The following STAU2 variants were observed in gnomAD, a reference collection of about 807,000 sequenced individuals.
STAU2 encodes the protein double-stranded RNA-binding protein Staufen homolog 2.
In STAU2, 20 loss-of-function variants were observed where a neutral mutation model predicts 65.9. That is an observed-to-expected ratio of 0.30 (90% CI 0.21 to 0.44). The LOEUF (loss-of-function observed/expected upper bound fraction) is 0.44, where lower values mean the gene tolerates loss of function less well. Ranked by LOEUF, STAU2 falls within the 20% of genes least tolerant of loss-of-function variation. STAU2 has a pLI of 1.00. For missense variants in STAU2, 558 were observed against 683.9 expected, an observed-to-expected ratio of 0.82 and a Z score of 2.05; for synonymous variants, 232 against 233.9, an observed-to-expected ratio of 0.99 and a Z score of 0.07.
At chr8:73,617,928 T>A (rs571351022) in intron 6 of STAU2, among the ~76,000 whole-genome samples, 3 of 152,288 alleles carry the variant, frequency 2.0e-5, no homozygotes, top group South Asian at 4.1e-4. Context: ...AGCATAAGAA[T>A]AAGGAGTTTA....
At chr8:73,568,031 A>G (rs1808751256) in intron 12 of STAU2, among the ~76,000 whole-genome samples, 1 of 152,232 alleles carries the variant, frequency 6.6e-6, no homozygotes, top group Non-Finnish European at 1.5e-5. Context: ...AACATTATAC[A>G]AAGAAGTTTT....
chr8:73,707,544 G>A (rs1036321984), intron 4 of STAU2, among the ~76,000 whole-genome samples: 5 of 152,134 alleles, frequency 3.3e-5, no homozygotes, highest in Non-Finnish European at 7.3e-5. Context: ...GAGAGTGAAA[G>A]TGAGCCATAA....
At chr8:73,425,619 A>ATC (rs57368986) in intron 13 of STAU2, among the ~76,000 whole-genome samples, 22 of 150,048 alleles carry the variant, frequency 1.5e-4, no homozygotes, top group African/African-American at 4.4e-4. Context: ...GGATAGCAAA[A>ATC]TCTCTCTCTC....
At chr8:73,676,954 G>A (rs1293141005) in intron 5 of STAU2, among the ~76,000 whole-genome samples, 1 of 152,098 alleles carries the variant, frequency 6.6e-6, no homozygotes, top group Non-Finnish European at 1.5e-5. Flanking sequence ...AAAGATATTT[G>A]CAATATACAT....
Position 73,436,568 on chromosome 8 carries a change from TTTTA to T in STAU2, c.1531-13870_1531-13867del, listed in dbSNP as rs3032117. On this transcript the variant is annotated intron_variant, in intron 13 of 14. Transcript: ENST00000524300. ...ATGAATTATCAGTATTTTGCCAATT[TTTTA>T]TTTATTTATTTATTTATTTATTTAT... 1.4e-3 allele frequency among the ~76,000 whole-genome samples: 205 copies of T among 141,466 alleles called. 3 individuals carry two copies. The highest frequency in any genetic ancestry group is 1.9e-3 in the African/African-American group (72 of 37,290). The allele number at this position is 141,466 out of a possible 152,430, so 92.8% of individuals were successfully genotyped here. A position where few individuals can be genotyped will look rare whatever the true frequency, so the allele number is the denominator to read the frequency against.
At chr8:73,608,711 G>A (rs561930944) in intron 9 of STAU2, among the ~76,000 whole-genome samples, 9 of 152,132 alleles carry the variant, frequency 5.9e-5, no homozygotes, top group East Asian at 1.9e-4. Context: ...GAAGTTAAAC[G>A]TCGGGCGCAG....
At chr8:73,470,431 G>T (rs1473064354) in intron 13 of STAU2, among the ~76,000 whole-genome samples, 1 of 152,170 alleles carries the variant, frequency 6.6e-6, no homozygotes, top group Non-Finnish European at 1.5e-5. Context: ...TATCTGCACA[G>T]AAGAAAGGGA....
rs529055678 is a variant in STAU2, at chr8:73,729,143, T to C, written c.-18+9141A>G. 1.1e-4 allele frequency among the ~76,000 whole-genome samples: 16 copies of C among 152,360 alleles called. No individual in the cohort carries two copies. In the South Asian group the frequency reaches 3.1e-3, roughly 30 times the overall value. On this transcript the variant is annotated intron_variant, in intron 3 of 14. Transcript: ENST00000524300. Reference sequence around the variant, plus strand: ...TGAGCCTTTCTATCAAGAACAGCTGTTGAATTTTGTCAACTGCCTACTGTA... The same window carrying C: ...TGAGCCTTTCTATCAAGAACAGCTGCTGAATTTTGTCAACTGCCTACTGTA...
At chr8:73,457,596 C>T (rs1335747642) in intron 13 of STAU2, among the ~76,000 whole-genome samples, 1 of 152,224 alleles carries the variant, frequency 6.6e-6, no homozygotes, top group Non-Finnish European at 1.5e-5. Context: ...AGAACATCTC[C>T]CACGTCCCTA....
intron 13 of STAU2, among the ~76,000 whole-genome samples, chr8:73,546,299 T>G (rs1405670124): frequency 6.6e-6 from 1 of 152,112 alleles, no homozygotes; most frequent in East Asian, 1.9e-4. Context: ...GCTTACTCAG[T>G]TGTATATATA....
At chr8:73,680,843 A>C (rs1818375443) in intron 5 of STAU2, among the ~76,000 whole-genome samples, 1 of 151,988 alleles carries the variant, frequency 6.6e-6, no homozygotes, top group Non-Finnish European at 1.5e-5. Context: ...CAACAATAGA[A>C]TCAAACAAGC....
At chr8:73,444,526 A>C (rs1818362336) in intron 13 of STAU2, among the ~76,000 whole-genome samples, 1 of 152,182 alleles carries the variant, frequency 6.6e-6, no homozygotes, top group East Asian at 1.9e-4. Context: ...TGAGCTGAGA[A>C]TTCTGAGGAA....
At chr8:73,683,249 C>A (rs543213909) in intron 5 of STAU2, among the ~76,000 whole-genome samples, 3 of 152,144 alleles carry the variant, frequency 2.0e-5, no homozygotes, top group Non-Finnish European at 4.4e-5. Context: ...AACAGCGTAT[C>A]GAAAAGGTAA....
At chr8:73,694,879 C>T (rs1188056882) in intron 4 of STAU2, among the ~76,000 whole-genome samples, 1 of 152,230 alleles carries the variant, frequency 6.6e-6, no homozygotes, top group African/African-American at 2.4e-5. Context: ...GTGCTGGACT[C>T]AGCCAGCACC....
At chr8:73,733,943 A>G (rs1806247575) in intron 3 of STAU2, among the ~76,000 whole-genome samples, 1 of 152,168 alleles carries the variant, frequency 6.6e-6, no homozygotes, top group Non-Finnish European at 1.5e-5. Flanking sequence ...TTGGACAAAG[A>G]GATATACATT....
At chr8:73,647,270 C>CCATA (rs77559287) in intron 6 of STAU2, among the ~76,000 whole-genome samples, 6,527 of 152,228 alleles carry the variant, frequency 0.043, 349 homozygotes, top group Admixed American at 0.16. Flanking sequence ...CATACAAAAC[C>CCATA]CATACATAGA....
intron 13 of STAU2, among the ~76,000 whole-genome samples, chr8:73,496,621 T>G (rs1821435265): frequency 6.6e-6 from 1 of 151,808 alleles, no homozygotes; most frequent in Admixed American, 6.6e-5. Context: ...TATGTAATTT[T>G]TGTAGCCACA....
chr8:73,740,752 G>T (rs1179688693), intron 1 of STAU2, among the ~76,000 whole-genome samples: 1 of 152,068 alleles, frequency 6.6e-6, no homozygotes, highest in Non-Finnish European at 1.5e-5. Context: ...TTGTAACTCA[G>T]CACTCCGGGA....
intron 13 of STAU2, among the ~76,000 whole-genome samples, chr8:73,479,307 A>T (rs774346676): frequency 8.5e-5 from 13 of 152,100 alleles, no homozygotes; most frequent in Admixed American, 3.3e-4. Context: ...TCTGAATTTT[A>T]GATACTGATT....
Sources: allele counts gnomAD v4.1 joint callset (sites outside exome capture counted in the v4.1 genomes callset), GRCh38; gene constraint gnomAD v4.1.1; transcripts MANE v1.5; gene names NCBI Gene and HGNC (gene_info 2026-07-23, HGNC 2026-07-21).